The following CNTNAP5 variants were observed in gnomAD, a reference collection of about 807,000 sequenced individuals.
The protein encoded by CNTNAP5 is contactin-associated protein-like 5.
CNTNAP5 carries 72 observed loss-of-function variants against 150.2 expected under a neutral mutation model. The ratio of observed to expected loss-of-function variants is 0.48; its 90% CI spans 0.40 to 0.58. The LOEUF (loss-of-function observed/expected upper bound fraction) is 0.58. Among genes scored for constraint, CNTNAP5 ranks in the 20% least tolerant of loss-of-function variants. The pLI is 0.00. For missense variants in CNTNAP5, 1,636 were observed against 1,626.2 expected (o/e 1.01, Z -0.10); for synonymous variants, 672 against 619.8 (o/e 1.08, Z -1.25).
At chr2:124,138,638 G>A (rs1287450493) in intron 1 of CNTNAP5, among the ~76,000 whole-genome samples, 1 of 152,198 alleles carries the variant, frequency 6.6e-6, no homozygotes, top group Non-Finnish European at 1.5e-5. Context: ...GAGCTGGAGA[G>A]AAGCTGTATT....
chr2:124,293,099 CAATAT>C (rs1462068962), intron 3 of CNTNAP5, among the ~76,000 whole-genome samples: 2 of 151,652 alleles, frequency 1.3e-5, no homozygotes, highest in Non-Finnish European at 2.9e-5. Context: ...AAAATCCCAC[CAATAT>C]AATAAAGTCA....
chr2:124,790,474 C>T (rs755507103), intron 18 of CNTNAP5, among the ~76,000 whole-genome samples: 8 of 152,114 alleles, frequency 5.3e-5, no homozygotes, highest in African/African-American at 1.2e-4. Context: ...TCCCTCAGCC[C>T]GCAAATGTAA....
At chr2:124,258,745 G>T (rs771447444) in intron 3 of CNTNAP5, among the ~76,000 whole-genome samples, 11 of 152,202 alleles carry the variant, frequency 7.2e-5, no homozygotes, top group Non-Finnish European at 1.5e-4. Context: ...AAGATTTTAT[G>T]ATGACTGCCT....
chr2:124,388,427 C>T (rs1377355060), intron 3 of CNTNAP5, among the ~76,000 whole-genome samples: 1 of 152,202 alleles, frequency 6.6e-6, no homozygotes, highest in Non-Finnish European at 1.5e-5. Flanking sequence ...GCCCATCTCA[C>T]CTCCTGCGGG....
intron 6 of CNTNAP5, among the ~76,000 whole-genome samples, chr2:124,457,642 C>A (rs977738414): frequency 1.3e-5 from 2 of 152,012 alleles, no homozygotes; most frequent in African/African-American, 4.8e-5. Flanking sequence ...CACAGATAAA[C>A]CCATCACGAA....
chr2:124,176,467 C>T (rs1685067490), intron 1 of CNTNAP5, among the ~76,000 whole-genome samples: 1 of 152,148 alleles, frequency 6.6e-6, no homozygotes, highest in African/African-American at 2.4e-5. Context: ...TCCCCATTGC[C>T]TCTGAAAGGT....
intron 2 of CNTNAP5, among the ~76,000 whole-genome samples, chr2:124,227,928 A>G (rs1411059731): frequency 6.6e-6 from 1 of 152,086 alleles, no homozygotes; most frequent in African/African-American, 2.4e-5. Context: ...ACAAATACAT[A>G]TATACACGCA....
chr2:124,180,540 C>T (rs942192063), intron 1 of CNTNAP5, among the ~76,000 whole-genome samples: 1 of 151,888 alleles, frequency 6.6e-6, no homozygotes, highest in African/African-American at 2.4e-5. Flanking sequence ...ATTCAGTAAC[C>T]AAAGCCTAAA....
chr2:124,789,949 T>C lies in CNTNAP5; in HGVS notation c.2800T>C (p.Leu934=). The change falls in exon 18 of 24, where the codon TTA becomes CTA. Residue 934 remains leucine, a synonymous_variant. Coordinates refer to ENST00000682447, the MANE Select transcript of CNTNAP5 (RefSeq NM_001367498.1). ...QKGFLGCIRS[L]HLNGQKMDLE... ...AGGCTTCCTAGGATGCATTCGCTCCTTACACTTGAATGGACAGAAAATGGA... is the reference window on the plus strand; with the variant it reads ...AGGCTTCCTAGGATGCATTCGCTCCCTACACTTGAATGGACAGAAAATGGA... The C allele has an allele frequency of 1.9e-6, 3 of 1,613,892 alleles. No individual in the cohort carries two copies. The highest frequency in any genetic ancestry group is 2.5e-6 in the Non-Finnish European group (3 of 1,179,796).
chr2:124,070,695 A>G (rs758016085), intron 1 of CNTNAP5, among the ~76,000 whole-genome samples: 11 of 152,056 alleles, frequency 7.2e-5, no homozygotes, highest in Non-Finnish European at 1.3e-4. Context: ...ATTCAGATAT[A>G]TAAAGCAAAT....
At chr2:124,128,270 C>T (rs942751797) in intron 1 of CNTNAP5, among the ~76,000 whole-genome samples, 1 of 151,892 alleles carries the variant, frequency 6.6e-6, no homozygotes, top group Non-Finnish European at 1.5e-5. Flanking sequence ...CAGACACTAC[C>T]CCAAAGAAGA....
intron 19 of CNTNAP5, among the ~76,000 whole-genome samples, chr2:124,800,370 CAT>C (rs1244127748): frequency 6.8e-6 from 1 of 147,976 alleles, no homozygotes; most frequent in Non-Finnish European, 1.5e-5. Flanking sequence ...ATTGCACACA[CAT>C]ATACACACAC....
At chr2:124,452,044 G>A (rs945403345) in intron 6 of CNTNAP5, among the ~76,000 whole-genome samples, 108 of 152,104 alleles carry the variant, frequency 7.1e-4, no homozygotes, top group African/African-American at 2.1e-3. Context: ...TCTCCTGGCC[G>A]GCACTCAAGG....
intron 3 of CNTNAP5, among the ~76,000 whole-genome samples, chr2:124,268,840 A>G (rs541406361): frequency 1.3e-5 from 2 of 152,282 alleles, no homozygotes; most frequent in South Asian, 2.1e-4. Context: ...AAGTGAGCTT[A>G]GAGCCCTTTG....
At chr2:124,611,516 A>G (rs549944371) in intron 12 of CNTNAP5, among the ~76,000 whole-genome samples, 1 of 152,314 alleles carries the variant, frequency 6.6e-6, no homozygotes, top group African/African-American at 2.4e-5. Flanking sequence ...TTGTCTTTTC[A>G]TGGTTGTGGT....
rs70996072 is a variant in CNTNAP5, at chr2:124,510,477, G to GTATATA, written c.1327+5958_1327+5963dup. Among the ~76,000 whole-genome samples, 942 of 101,866 alleles carry GTATATA rather than the reference G, an allele frequency of 9.2e-3. 21 individuals are homozygous for GTATATA. The highest frequency in any genetic ancestry group is 0.015 in the Middle Eastern group (3 of 194). 66.8% of individuals were successfully genotyped at this position (101,866 alleles called of 152,430 possible). A position where few individuals can be genotyped will look rare whatever the true frequency, so the allele number is the denominator to read the frequency against. Reference sequence around the variant, plus strand: ...ACAAAAAAGTAAATTTTATGTATGTGTATATATATATATATATATATATAT... The same window carrying GTATATA: ...ACAAAAAAGTAAATTTTATGTATGTGTATATATATATATATATATATATATATATAT... On this transcript the variant is annotated intron_variant, in intron 8 of 23. Coordinates refer to ENST00000682447, the MANE Select transcript of CNTNAP5 (RefSeq NM_001367498.1).
At chr2:124,414,030 C>T (rs1054591956) in intron 3 of CNTNAP5, among the ~76,000 whole-genome samples, 1 of 151,348 alleles carries the variant, frequency 6.6e-6, no homozygotes, top group Non-Finnish European at 1.5e-5. Flanking sequence ...TGTCAAAGTG[C>T]CATATTTTGG....
At chr2:124,026,308 C>A (rs1680887245) in intron 1 of CNTNAP5, among the ~76,000 whole-genome samples, 1 of 152,150 alleles carries the variant, frequency 6.6e-6, no homozygotes. Flanking sequence ...TTGTTAACCA[C>A]AAGATCAATG....
At position 124,532,683 on chromosome 2, in the gene CNTNAP5, C is replaced by G. The variant is rs567223432; in HGVS notation, c.1649+5227C>G. Among the ~76,000 whole-genome samples, 62 of 152,286 alleles carry G rather than the reference C, an allele frequency of 4.1e-4. No individual in the cohort carries two copies. In the Middle Eastern group the frequency reaches 0.014, roughly 33 times the overall value. Reference sequence around the variant, plus strand: ...CAGAAGCAGCAGGACACATTTAAATCCACCCCGCCCACAGTCTGAGATGTG... The same window carrying G: ...CAGAAGCAGCAGGACACATTTAAATGCACCCCGCCCACAGTCTGAGATGTG... On this transcript the variant is annotated intron_variant, in intron 10 of 23. Transcript: ENST00000682447.
Sources: gnomAD v4.1 joint callset for allele counts (sites outside exome capture counted in the v4.1 genomes callset) on GRCh38, gnomAD v4.1.1 for gene constraint, MANE v1.5 for transcripts, NCBI Gene and HGNC (gene_info 2026-07-23, HGNC 2026-07-21) for gene names.